The following ZDHHC6 variants were observed in gnomAD, a reference collection of about 807,000 sequenced individuals.
The protein encoded by ZDHHC6 is palmitoyltransferase ZDHHC6.
ZDHHC6 carries 32 observed loss-of-function variants against 57.8 expected under a neutral mutation model. That is an observed-to-expected ratio of 0.55 (90% CI 0.42 to 0.74). The LOEUF is 0.74. ZDHHC6 is among the 30% of genes least tolerant of loss of function. The pLI is 0.00. For missense variants in ZDHHC6, 433 were observed against 500.7 expected, an observed-to-expected ratio of 0.86 and a Z score of 1.29; for synonymous variants, 128 against 158.0, an observed-to-expected ratio of 0.81 and a Z score of 1.42.
chr10:112,443,422 T>A, intron 3 of ZDHHC6, 93 bp downstream of exon 3: 1 of 1,049,508 alleles, frequency 9.5e-7, no homozygotes, highest in Non-Finnish European at 1.4e-6. Flanking sequence ...AACCTTGCAG[T>A]GAATAGAAGT....
chr10:112,429,484 G>C (rs1844864438), downstream of ZDHHC6, among the ~76,000 whole-genome samples: 1 of 152,134 alleles, frequency 6.6e-6, no homozygotes, highest in South Asian at 2.1e-4. Context: ...TTACCTGTCT[G>C]TTCACTGCTG....
chr10:112,425,797 G>A (rs1235941424), downstream of ZDHHC6, among the ~76,000 whole-genome samples: 1 of 152,024 alleles, frequency 6.6e-6, no homozygotes, highest in Non-Finnish European at 1.5e-5. Context: ...TTAAAGCTAT[G>A]TTTAAGAGCA....
chr10:112,446,254 A>G (rs1474718568), intron 1 of ZDHHC6, among the ~76,000 whole-genome samples: 1 of 152,106 alleles, frequency 6.6e-6, no homozygotes, highest in Non-Finnish European at 1.5e-5. Flanking sequence ...AAGCAAAGAG[A>G]GCATGCAAGG....
At chr10:112,444,121 C>T (rs112776528) in intron 2 of ZDHHC6, among the ~76,000 whole-genome samples, 2,559 of 152,288 alleles carry the variant, frequency 0.017, 29 homozygotes, top group South Asian at 0.033. Flanking sequence ...CTGTGTCAGA[C>T]TCTGCCTGAA....
At chr10:112,436,423 C>G (rs1390885691) in intron 6 of ZDHHC6, among the ~76,000 whole-genome samples, 2 of 152,180 alleles carry the variant, frequency 1.3e-5, no homozygotes, top group Non-Finnish European at 2.9e-5. Flanking sequence ...TTGCAGCGAG[C>G]CAAGATTGTG....
At chr10:112,428,476 G>A (rs1050241574), downstream of ZDHHC6, 2 of 398,314 alleles carry the variant, frequency 5.0e-6, no homozygotes, top group African/African-American at 4.1e-5. Context: ...TTAAACTTGG[G>A]TACACAATAG....
chr10:112,433,468 G>C (rs932927932), intron 7 of ZDHHC6, 187 bp from the exon 8 acceptor site: 10 of 460,250 alleles, frequency 2.2e-5, no homozygotes, highest in Non-Finnish European at 3.9e-5. Context: ...AGAACCAGAG[G>C]CTGAGAGTGA....
chr10:112,426,364 G>A (rs1287517423), downstream of ZDHHC6: 4 of 1,613,222 alleles, frequency 2.5e-6, no homozygotes. Flanking sequence ...AACCAAGTAA[G>A]TCTTGCCTAG....
At position 112,432,223 on chromosome 10, in the gene ZDHHC6, C is replaced by T. The variant is rs373638914; in HGVS notation, c.1138+17G>A. 1.9e-6 allele frequency: 3 copies of T among 1,590,888 alleles called. No individual in the cohort carries two copies. Among genetic ancestry groups the T allele is most frequent in the Admixed American group, 3.7e-5 (2 of 53,550 alleles). ...CTAATAGTCTTGTCCTTTAAACATG[C>T]CCTTCCATTTCCATACCTTCTATAA... On this transcript the variant is annotated intron_variant, in intron 10 of 10. Transcript: ENST00000369405.
At chr10:112,428,344 A>G, downstream of ZDHHC6, 1 of 398,142 alleles carries the variant, frequency 2.5e-6, no homozygotes. Context: ...CTACTTGTAA[A>G]TGTAAAGTCT....
In ZDHHC6 at chr10:112,432,498, ATCT is replaced by A; in HGVS notation, c.966_968del (p.Glu322del). On this transcript the variant is annotated inframe_deletion, in exon 9 of 11. Coordinates refer to ENST00000369405, the MANE Select transcript of ZDHHC6 (RefSeq NM_022494.3). The stretch of plus-strand genomic sequence containing the variant: ...TCAGAGGGCAGCAGGCACCACTATA[ATCT>A]TCTATTACTTTATAGCGAACCTGTC... 6.2e-7 allele frequency: 1 copy of A among 1,614,070 alleles called. No individual in the cohort carries two copies.
chr10:112,435,879 C>A (rs1443014667), intron 6 of ZDHHC6, among the ~76,000 whole-genome samples: 1 of 152,050 alleles, frequency 6.6e-6, no homozygotes. Context: ...AGGATTCTAT[C>A]AATATTGTGT....
In ZDHHC6 at chr10:112,440,569, T is replaced by C. The variant is rs748862366; in HGVS notation, c.646A>G (p.Thr216Ala). The C allele has an allele frequency of 1.9e-6, 3 of 1,614,018 alleles. No homozygotes were observed. The highest frequency in any genetic ancestry group is 3.3e-5 in the Admixed American group (2 of 60,006). Reference protein sequence around the residue: ...TLFALGLALGTTIAVGMLFFI... With the variant: ...TLFALGLALGATIAVGMLFFI... ...AACAACATCCCAACAGCTATGGTTGTTCCTAAAGCTAATCCCAAGGCAAAC... is the reference window on the plus strand; with the variant it reads ...AACAACATCCCAACAGCTATGGTTGCTCCTAAAGCTAATCCCAAGGCAAAC... Residue 216 changes from threonine (T) to alanine (A), a missense_variant, in exon 5 of 11, where the codon ACA becomes GCA. By Grantham distance (58) the Thr-to-Ala change is moderately conservative. Transcript: ENST00000369405.
chr10:112,447,373 C>T (rs1160806872), upstream of ZDHHC6: 1 of 1,613,032 alleles, frequency 6.2e-7, no homozygotes, highest in Non-Finnish European at 8.5e-7. Flanking sequence ...CCGGAGCCGC[C>T]ATGTCGTCCG....
chr10:112,445,057 G>C, intron 2 of ZDHHC6, 113 bp downstream of exon 2: 2 of 1,225,506 alleles, frequency 1.6e-6, no homozygotes, highest in Non-Finnish European at 1.1e-6. Context: ...AATATACTTA[G>C]TCTCTGTGAG....
In ZDHHC6 at chr10:112,440,674, C is replaced by T. The variant is rs776377044; in HGVS notation, c.541G>A (p.Val181Met). The change falls in exon 5 of 11, where the codon GTG becomes ATG. Residue 181 changes from valine to methionine, a missense_variant. Transcript: ENST00000369405. ...CGGGCTGCACTCATGTCGATCTTCA[C>T]TGTGTTCCACCCAAAGGAGAGCTAT... Reference protein sequence around the residue: ...YHRLSFGWNTVKIDMSAARRD... With the variant: ...YHRLSFGWNTMKIDMSAARRD... 2.5e-6 allele frequency: 4 copies of T among 1,613,604 alleles called. No individual in the cohort carries two copies. The highest frequency in any genetic ancestry group is 1.1e-5 in the South Asian group (1 of 91,004).
At chr10:112,428,719 C>G (rs1006550938), downstream of ZDHHC6, among the ~76,000 whole-genome samples, 5 of 151,538 alleles carry the variant, frequency 3.3e-5, no homozygotes, top group African/African-American at 1.2e-4. Flanking sequence ...TGCAGCGAGC[C>G]GAGATCGCAC....
downstream of ZDHHC6, among the ~76,000 whole-genome samples, chr10:112,425,917 T>G (rs1380018188): frequency 6.6e-6 from 1 of 152,216 alleles, no homozygotes; most frequent in South Asian, 2.1e-4. Context: ...TTTAAGGAAC[T>G]CCTTATCCCA....
At position 112,442,287 on chromosome 10, in the gene ZDHHC6, C is replaced by A; in HGVS notation, c.424G>T (p.Ala142Ser). The A allele has an allele frequency of 6.2e-7, 1 of 1,614,016 alleles. No homozygotes were observed. The highest frequency in any genetic ancestry group is 8.5e-7 in the Non-Finnish European group (1 of 1,179,950). Reference sequence around the variant, plus strand: ...AAAAGGAGAAACAGTGTGAACGAAGCATGATTTTGGTAACCACAACAGTTG... The same window carrying A: ...AAAAGGAGAAACAGTGTGAACGAAGAATGATTTTGGTAACCACAACAGTTG... ...INNCCGYQNHASFTLFLLLAP... is the reference protein window; with the variant it reads ...INNCCGYQNHSSFTLFLLLAP... The change falls in exon 4 of 11, where the codon GCT becomes TCT. Residue 142 changes from alanine (A) to serine (S), a missense_variant. By Grantham distance (99) the Ala-to-Ser change is moderately conservative. Transcript: ENST00000369405.
Sources: allele counts gnomAD v4.1 joint callset (sites outside exome capture counted in the v4.1 genomes callset), GRCh38; gene constraint gnomAD v4.1.1; transcripts MANE v1.5; gene names NCBI Gene and HGNC (gene_info 2026-07-23, HGNC 2026-07-21).